PACRG: variants seen among roughly 807,000 people sequenced by gnomAD.
PACRG encodes parkin coregulated gene protein.
A neutral mutation model predicts 29.7 loss-of-function variants in PACRG; 29 were observed. That is an observed-to-expected ratio of 0.98 (90% CI 0.73 to 1.33). The LOEUF is 1.33. Ranked by LOEUF, PACRG falls within the 40% of genes most tolerant of loss-of-function variation. The pLI is 0.00. For missense variants in PACRG, 279 were observed against 316.2 expected (o/e 0.88, Z 0.89); for synonymous variants, 116 against 118.7 (o/e 0.98, Z 0.15).
chr6:163,007,135 C>T (rs1426857094), intron 2 of PACRG, among the ~76,000 whole-genome samples: 1 of 151,762 alleles, frequency 6.6e-6, no homozygotes, highest in East Asian at 1.9e-4. Flanking sequence ...TTTAACTTAC[C>T]ACACTAGAAT....
chr6:162,988,629 A>T (rs954884488), intron 2 of PACRG, among the ~76,000 whole-genome samples: 13 of 152,166 alleles, frequency 8.5e-5, no homozygotes, highest in African/African-American at 2.2e-4. Context: ...GACTTTAATG[A>T]GGTAATCCTG....
intron 2 of PACRG, among the ~76,000 whole-genome samples, chr6:163,000,994 G>T (rs1264851686): frequency 6.6e-6 from 1 of 152,186 alleles, no homozygotes; most frequent in Admixed American, 6.5e-5. Flanking sequence ...CCATGATTTT[G>T]AAGGAGAGGC....
intron 4 of PACRG, among the ~76,000 whole-genome samples, chr6:163,244,700 C>T (rs1782627641): frequency 6.6e-6 from 1 of 152,156 alleles, no homozygotes; most frequent in African/African-American, 2.4e-5. Context: ...GTCTGTCCTC[C>T]GAAGGCACCA....
intron 1 of PACRG, among the ~76,000 whole-genome samples, chr6:162,757,217 A>G (rs928064802): frequency 1.3e-5 from 2 of 152,130 alleles, no homozygotes; most frequent in Admixed American, 1.3e-4. Context: ...CAGTTTGCTA[A>G]TATTTTGTTT....
At position 163,302,249 on chromosome 6, in the gene PACRG, T is replaced by G. The variant is rs1372151984; in HGVS notation, c.614-12578T>G. Among the ~76,000 whole-genome samples, 4 of 97,320 alleles carry G rather than the reference T, an allele frequency of 4.1e-5. No individual in the cohort carries two copies. In the East Asian group the frequency reaches 9.7e-4, roughly 24 times the overall value. 63.8% of individuals were successfully genotyped at this position (97,320 alleles called of 152,430 possible). A position where few individuals can be genotyped will look rare whatever the true frequency, so the allele number is the denominator to read the frequency against. On this transcript the variant is annotated intron_variant, in intron 4 of 4. Transcript: ENST00000366888. ...TCTCTCTCTCTCTTTTTTTTGTTTG[T>G]TTTTTTTTGTTTTTTTTTTTGTAAG... is the stretch of plus-strand genomic sequence containing the variant.
At chr6:163,174,213 A>G (rs143337589) in intron 4 of PACRG, among the ~76,000 whole-genome samples, 420 of 151,976 alleles carry the variant, frequency 2.8e-3, no homozygotes, top group African/African-American at 8.8e-3. Flanking sequence ...ATGATAGCTG[A>G]TGAGCTAAAA....
chr6:163,110,245 A>C (rs1815635826), intron 4 of PACRG, among the ~76,000 whole-genome samples: 2 of 152,254 alleles, frequency 1.3e-5, no homozygotes, highest in Non-Finnish European at 2.9e-5. Context: ...TACCTGGTAC[A>C]GATGGGGTTA....
At chr6:163,165,002 A>C (rs745454334) in intron 4 of PACRG, among the ~76,000 whole-genome samples, 23 of 152,120 alleles carry the variant, frequency 1.5e-4, no homozygotes, top group Non-Finnish European at 3.2e-4. Context: ...AGCCAAAAGC[A>C]TGTGTTGAGC....
chr6:163,037,126 C>G (rs753790486), intron 2 of PACRG, among the ~76,000 whole-genome samples: 3 of 152,200 alleles, frequency 2.0e-5, no homozygotes, highest in Non-Finnish European at 4.4e-5. Flanking sequence ...CGTAACTGTT[C>G]TCTTCTTGCT....
chr6:162,810,301 C>G (rs954878004), intron 1 of PACRG, among the ~76,000 whole-genome samples: 2 of 152,204 alleles, frequency 1.3e-5, no homozygotes, highest in African/African-American at 4.8e-5. Flanking sequence ...CACCCTTCCC[C>G]CAACCTTTGC....
chr6:163,225,769 T>A (rs769497969), intron 4 of PACRG, among the ~76,000 whole-genome samples: 4 of 152,212 alleles, frequency 2.6e-5, no homozygotes, highest in Non-Finnish European at 5.9e-5. Flanking sequence ...TTCATTTTCA[T>A]TGCAGCATTA....
chr6:162,913,845 T>C (rs73021341), intron 2 of PACRG, among the ~76,000 whole-genome samples: 1 of 152,090 alleles, frequency 6.6e-6, no homozygotes, highest in East Asian at 1.9e-4. Flanking sequence ...TATATCTTCT[T>C]TTTATGTACT....
intron 2 of PACRG, among the ~76,000 whole-genome samples, chr6:163,005,441 G>T (rs956829966): frequency 1.3e-5 from 2 of 151,738 alleles, no homozygotes; most frequent in African/African-American, 4.8e-5. Flanking sequence ...GGATTTTAGT[G>T]CTGTTTCCTT....
chr6:162,894,796 T>G (rs910912797), intron 2 of PACRG, among the ~76,000 whole-genome samples: 1 of 152,360 alleles, frequency 6.6e-6, no homozygotes, highest in African/African-American at 2.4e-5. Context: ...GTGTGCATTT[T>G]TAGAGAGAAC....
chr6:162,806,458 T>G (rs897258888), intron 1 of PACRG, among the ~76,000 whole-genome samples: 3 of 151,414 alleles, frequency 2.0e-5, no homozygotes, highest in Non-Finnish European at 4.4e-5. Flanking sequence ...AAAGTCAAAA[T>G]TACCCCTTGA....
intron 4 of PACRG, among the ~76,000 whole-genome samples, chr6:163,097,204 A>G (rs1585205797): frequency 1.3e-5 from 2 of 152,234 alleles, no homozygotes; most frequent in Admixed American, 1.3e-4. Context: ...TTCTCTGTAT[A>G]AATCTTTCCA....
intron 2 of PACRG, among the ~76,000 whole-genome samples, chr6:162,908,475 A>G (rs904790964): frequency 6.6e-6 from 1 of 152,198 alleles, no homozygotes; most frequent in African/African-American, 2.4e-5. Context: ...GCTATAATCC[A>G]TTTTATCACA....
intron 2 of PACRG, among the ~76,000 whole-genome samples, chr6:162,884,249 AT>A (rs1397353116): frequency 1.3e-5 from 2 of 151,934 alleles, no homozygotes; most frequent in Admixed American, 6.6e-5. Flanking sequence ...ACTTTTTGTT[AT>A]TTTTTTCCCC....
In PACRG at chr6:162,914,232, A is replaced by G. The variant is rs942780632; in HGVS notation, c.291+99951A>G. 4.6e-5 allele frequency among the ~76,000 whole-genome samples: 7 copies of G among 152,108 alleles called. No individual in the cohort carries two copies. The East Asian group carries it at 1.2e-3, about 25-fold the overall frequency. On this transcript the variant is annotated intron_variant, in intron 2 of 4. Coordinates refer to ENST00000366888, the MANE Select transcript of PACRG (RefSeq NM_001080379.2). ...TGATCAATTTTTAGTTAGTTTGTGTATGTGTTATGAGGTATAAATTGTCTA... is the reference window on the plus strand; with the variant it reads ...TGATCAATTTTTAGTTAGTTTGTGTGTGTGTTATGAGGTATAAATTGTCTA...
Sources: gnomAD v4.1 joint callset for allele counts (sites outside exome capture counted in the v4.1 genomes callset) on GRCh38, gnomAD v4.1.1 for gene constraint, MANE v1.5 for transcripts, NCBI Gene and HGNC (gene_info 2026-07-23, HGNC 2026-07-21) for gene names.